SFXN5: variants seen among roughly 807,000 people sequenced by gnomAD.
SFXN5 encodes the protein sideroflexin 5, also known as sideroflexin-5.
SFXN5 carries 43 observed loss-of-function variants against 50.2 expected under a neutral mutation model. The ratio of observed to expected loss-of-function variants is 0.86; its 90% CI spans 0.67 to 1.11. The LOEUF (loss-of-function observed/expected upper bound fraction) is 1.11. Among genes scored for constraint, SFXN5 ranks in the 50% least tolerant of loss-of-function variants. The probability of loss-of-function intolerance (pLI) is 0.00; values close to 1 mark genes in which losing one functional copy is unlikely to be tolerated. For synonymous variants in SFXN5, 203 were observed against 185.8 expected, an observed-to-expected ratio of 1.09 and a Z score of -0.75; for missense variants, 463 against 454.1, an observed-to-expected ratio of 1.02 and a Z score of -0.18.
intron 5 of SFXN5, 105 bp downstream of exon 5, chr2:73,022,417 C>T (rs1677007354): frequency 2.4e-6 from 2 of 846,440 alleles, no homozygotes; most frequent in South Asian, 1.4e-5. Context: ...ATGATTGTAA[C>T]AGGCTCTGTC....
Position 72,973,898 on chromosome 2 carries a change from C to T in SFXN5, c.626-2213G>A, listed in dbSNP as rs1224112319. ...TGAGAGGACAGTGGGGTTTTCTGCC[C>T]TGAAAGGCATCAATCCTAGCCCTCT... On this transcript the variant is annotated intron_variant, in intron 10 of 13. Coordinates refer to ENST00000272433, the MANE Select transcript of SFXN5 (RefSeq NM_144579.3). The surrounding 1 kb of genome is among the most constrained non-coding windows in gnomAD (Gnocchi z 5.5). Among the ~76,000 whole-genome samples, 1 of 152,210 alleles carries T rather than the reference C, an allele frequency of 6.6e-6. No homozygotes were observed. The highest frequency in any genetic ancestry group is 2.4e-5 in the African/African-American group (1 of 41,454).
chr2:73,050,699 T>C (rs1011511685), intron 2 of SFXN5, among the ~76,000 whole-genome samples: 2 of 152,180 alleles, frequency 1.3e-5, no homozygotes, highest in Admixed American at 6.5e-5. Flanking sequence ...TCAGGGGTCA[T>C]TCTCGCATTG....
intron 11 of SFXN5, 149 bp downstream of exon 11, chr2:72,971,421 A>G: frequency 1.8e-6 from 1 of 570,852 alleles, no homozygotes; most frequent in Non-Finnish European, 3.1e-6. Context: ...ACTCATGCAG[A>G]TTGGAGGTGG....
At chr2:73,006,329 A>C (rs540267018) in intron 6 of SFXN5, among the ~76,000 whole-genome samples, 3 of 152,332 alleles carry the variant, frequency 2.0e-5, no homozygotes, top group Admixed American at 6.5e-5. Flanking sequence ...CAGATCCCTA[A>C]GAATGAATGC....
chr2:73,009,863 G>A lies in SFXN5; in HGVS notation c.358-8285C>T, dbSNP rs189983333. Among the ~76,000 whole-genome samples, 113 of 152,206 alleles carry A rather than the reference G, an allele frequency of 7.4e-4. 1 individual carries two copies. Among genetic ancestry groups the A allele is most frequent in the African/African-American group, 2.6e-3 (107 of 41,502 alleles). On this transcript the variant is annotated intron_variant, in intron 6 of 13. Coordinates refer to ENST00000272433, the MANE Select transcript of SFXN5 (RefSeq NM_144579.3). ...TCTAGGGTAGGGTAAGGAGAGAGTG[G>A]AAACGTATGGGGTGAGCCTCAGTAA...
At chr2:72,985,069 C>A (rs1185660495) in intron 10 of SFXN5, among the ~76,000 whole-genome samples, 4 of 152,130 alleles carry the variant, frequency 2.6e-5, no homozygotes, top group African/African-American at 9.7e-5. Flanking sequence ...ACCCTGAAGA[C>A]CCCCTTCCAC....
intron 1 of SFXN5, among the ~76,000 whole-genome samples, chr2:73,068,333 T>C (rs541526327): frequency 6.6e-6 from 1 of 152,304 alleles, no homozygotes; most frequent in East Asian, 1.9e-4. Flanking sequence ...TACACAACTA[T>C]TACATGCCAG....
Position 72,971,596 on chromosome 2 carries a change from C to A in SFXN5, c.715G>T (p.Gly239Cys), listed in dbSNP as rs1669993167. 4 of 1,613,888 alleles carry A rather than the reference C, an allele frequency of 2.5e-6. No homozygotes were observed. The African/African-American group carries it at 5.3e-5, about 22-fold the overall frequency. ...DVLDSDGNLV[G>C]SSKIAARHAL... ...TGTCGGGCTGCGATCTTGGAGGAGCCCACGAGGTTGCCATCGCTGTCCAGG... is the reference window on the plus strand; with the variant it reads ...TGTCGGGCTGCGATCTTGGAGGAGCACACGAGGTTGCCATCGCTGTCCAGG... The change falls in exon 11 of 14, where the codon GGC (glycine) becomes TGC (cysteine). Residue 239 changes from glycine (G) to cysteine (C), a missense_variant. Transcript: ENST00000272433.
At chr2:73,061,290 A>G (rs1318373090) in intron 1 of SFXN5, among the ~76,000 whole-genome samples, 2 of 150,944 alleles carry the variant, frequency 1.3e-5, no homozygotes, top group East Asian at 3.9e-4. Context: ...CCTAGGCGAC[A>G]GAGCAAGACT....
At chr2:72,989,406 C>T (rs1364389575) in intron 9 of SFXN5, among the ~76,000 whole-genome samples, 2 of 152,268 alleles carry the variant, frequency 1.3e-5, no homozygotes, top group Non-Finnish European at 2.9e-5. Context: ...GATAGTAATA[C>T]CTACAACACC....
Position 72,942,307 on chromosome 2 carries a change from C to T in SFXN5, c.*2715G>A, listed in dbSNP as rs1053519302. 2 of 152,240 alleles carry T rather than the reference C, an allele frequency of 1.3e-5. No individual in the cohort carries two copies. The highest frequency in any genetic ancestry group is 2.1e-4 in the South Asian group (1 of 4,836). 9.4% of individuals were successfully genotyped at this position (152,240 alleles called of 1,614,324 possible). ...TCATAACCAGGTGAAAGGGGTCCGTCGGCCAGCTCGACTCCACGGCCAGCT... is the reference window on the plus strand; with the variant it reads ...TCATAACCAGGTGAAAGGGGTCCGTTGGCCAGCTCGACTCCACGGCCAGCT... On this transcript the variant is annotated 3_prime_UTR_variant, in exon 14 of 14. Coordinates refer to ENST00000272433, the MANE Select transcript of SFXN5 (RefSeq NM_144579.3).
At chr2:73,003,078 C>A (rs115099640) in intron 6 of SFXN5, among the ~76,000 whole-genome samples, 1 of 148,758 alleles carries the variant, frequency 6.7e-6, no homozygotes, top group African/African-American at 2.5e-5. Flanking sequence ...AGGACCTCCT[C>A]GTAGTTGGGG....
chr2:72,945,164 C>A lies in SFXN5; in HGVS notation c.946-65G>T. ...AAGGGGCAAATAGTGGGGCTGGGAG[C>A]TGCAGTGAGGACCACCCTGGGCCCC... On this transcript the variant is annotated intron_variant, in intron 13 of 13. Transcript: ENST00000272433. This position sits in a 1 kb window ranked among gnomAD's most constrained non-coding sequence, Gnocchi z 5.8. The A allele has an allele frequency of 1.2e-5, 18 of 1,491,708 alleles. No homozygotes were observed. In the South Asian group the frequency reaches 2.1e-4, roughly 17 times the overall value. The allele number at this position is 1,491,708 out of a possible 1,614,324, so 92.4% of individuals were successfully genotyped here. A position where few individuals can be genotyped will look rare whatever the true frequency, so the allele number is the denominator to read the frequency against.
intron 1 of SFXN5, chr2:73,059,727 G>A: frequency 2.1e-6 from 2 of 969,080 alleles, no homozygotes; most frequent in Non-Finnish European, 2.4e-6. Flanking sequence ...AGAAACAGCT[G>A]CCTCTCTAAC....
chr2:73,013,899 G>C (rs771601223), intron 6 of SFXN5, among the ~76,000 whole-genome samples: 1 of 151,938 alleles, frequency 6.6e-6, no homozygotes, highest in South Asian at 2.1e-4. Context: ...TCACGAAGCC[G>C]GTGCTTATTG....
chr2:73,008,751 C>T (rs370441755), intron 6 of SFXN5, among the ~76,000 whole-genome samples: 23 of 152,298 alleles, frequency 1.5e-4, no homozygotes, highest in Non-Finnish European at 3.1e-4. Flanking sequence ...GGCATAGCCG[C>T]GGTGCTTATG....
intron 3 of SFXN5, among the ~76,000 whole-genome samples, chr2:73,036,766 G>T (rs1394514240): frequency 4.6e-5 from 7 of 152,254 alleles, no homozygotes; most frequent in Admixed American, 4.6e-4. Context: ...AACTCTCACA[G>T]GTCTCAGAAG....
intron 2 of SFXN5, 38 bp from the exon 3 acceptor site, chr2:73,040,969 TCCAGGG>T: frequency 6.3e-7 from 1 of 1,586,256 alleles, no homozygotes; most frequent in Non-Finnish European, 8.6e-7. Context: ...GGGGCACAGA[TCCAGGG>T]CTCCCGCAAA....
At chr2:73,030,055 G>A (rs1390693775) in intron 3 of SFXN5, among the ~76,000 whole-genome samples, 2 of 152,062 alleles carry the variant, frequency 1.3e-5, no homozygotes, top group East Asian at 1.9e-4. Flanking sequence ...CTAGGCGACA[G>A]GAGTGAAACC....
Sources: gnomAD v4.1 joint callset for allele counts (sites outside exome capture counted in the v4.1 genomes callset) on GRCh38, gnomAD v4.1.1 for gene constraint, Gnocchi (gnomAD v3.1) non-coding constraint, MANE v1.5 for transcripts, NCBI Gene and HGNC (gene_info 2026-07-23, HGNC 2026-07-21) for gene names.